Variants in CSMD3 observed in about 807,000 individuals in gnomAD.
The protein encoded by CSMD3 is CUB and Sushi multiple domains 3.
A neutral mutation model predicts 435.2 loss-of-function variants in CSMD3; 177 were observed. The observed-to-expected ratio is 0.41, with a 90% confidence interval of 0.36 to 0.46. The LOEUF (loss-of-function observed/expected upper bound fraction) is 0.46, where lower values mean the gene tolerates loss of function less well. CSMD3 is among the 20% of genes least tolerant of loss of function. The probability of loss-of-function intolerance (pLI) is 0.34; values close to 1 mark genes in which losing one functional copy is unlikely to be tolerated. For synonymous variants in CSMD3, 1,656 were observed against 1,520.5 expected, an observed-to-expected ratio of 1.09 and a Z score of -2.07; for missense variants, 4,265 against 4,504.6, an observed-to-expected ratio of 0.95 and a Z score of 1.52.
At chr8:112,793,100 A>G (rs1379549509) in intron 13 of CSMD3, among the ~76,000 whole-genome samples, 1 of 148,908 alleles carries the variant, frequency 6.7e-6, no homozygotes, top group Non-Finnish European at 1.5e-5. Flanking sequence ...GTGTATATAA[A>G]TATGTAAACA....
chr8:112,286,767 C>T (rs543297138), intron 58 of CSMD3, among the ~76,000 whole-genome samples: 3 of 152,064 alleles, frequency 2.0e-5, no homozygotes, highest in African/African-American at 7.2e-5. Flanking sequence ...GGAGGGACTA[C>T]TGTAAAGAGG....
chr8:112,549,986 C>CA (rs957327797), intron 27 of CSMD3, among the ~76,000 whole-genome samples: 1 of 151,920 alleles, frequency 6.6e-6, no homozygotes, highest in African/African-American at 2.4e-5. Flanking sequence ...AGATAATGTG[C>CA]ATTAACAAGT....
rs564616565 is a variant in CSMD3 at position 113,285,341 on chromosome 8, G to C, written c.402-6637C>G. 2.6e-4 allele frequency among the ~76,000 whole-genome samples: 30 copies of C among 115,588 alleles called. 1 individual carries two copies. In the South Asian group the frequency reaches 3.2e-3, roughly 12 times the overall value. 75.8% of individuals were successfully genotyped at this position (115,588 alleles called of 152,430 possible). A position where few individuals can be genotyped will look rare whatever the true frequency, so the allele number is the denominator to read the frequency against. Reference sequence around the variant, plus strand: ...GTGGCACGATCTCGGCTCACTGCAAGCTCCACCTCCCGGGTTCACCCCATT... The same window carrying C: ...GTGGCACGATCTCGGCTCACTGCAACCTCCACCTCCCGGGTTCACCCCATT... On this transcript the variant is annotated intron_variant, in intron 2 of 70. Transcript: ENST00000297405.
chr8:113,022,156 G>C (rs1264020017), intron 5 of CSMD3, among the ~76,000 whole-genome samples: 18 of 151,964 alleles, frequency 1.2e-4, no homozygotes. Context: ...AGGAAAACCA[G>C]GAAATGAGGG....
chr8:112,961,365 T>C (rs2084223032), intron 7 of CSMD3, among the ~76,000 whole-genome samples: 1 of 151,916 alleles, frequency 6.6e-6, no homozygotes, highest in Non-Finnish European at 1.5e-5. Flanking sequence ...AATGGAAAAT[T>C]TAGTAGAAAT....
intron 22 of CSMD3, among the ~76,000 whole-genome samples, chr8:112,625,647 G>A (rs759008920): frequency 8.5e-5 from 13 of 152,102 alleles, no homozygotes; most frequent in Non-Finnish European, 1.5e-4. Context: ...CTTACACATT[G>A]AGCATACCAA....
At position 112,503,855 on chromosome 8, in the gene CSMD3, G is replaced by A. The variant is rs780271931; in HGVS notation, c.5018C>T (p.Thr1673Ile). The A allele has an allele frequency of 1.2e-6, 2 of 1,612,930 alleles. No individual in the cohort carries two copies. The highest frequency in any genetic ancestry group is 1.7e-5 in the Admixed American group (1 of 59,946). ...LPERIESSSNTMHLAFRSDGS... is the reference protein window; with the variant it reads ...LPERIESSSNIMHLAFRSDGS... ...ATCACTCCGAAAAGCCAAATGCATT[G>A]TATTTGAGCTGCTTTCTATTCTCTC... Residue 1673 changes from threonine to isoleucine, a missense_variant, in exon 30 of 71, where the codon ACA (threonine) becomes ATA (isoleucine). By Grantham distance (89) the Thr-to-Ile change is moderately conservative (BLOSUM62 -1). This residue lies in a region of CSMD3 where 3,255 missense variants were observed against 3,380.2 expected (regional missense o/e 0.96). Transcript: ENST00000297405.
intron 4 of CSMD3, among the ~76,000 whole-genome samples, chr8:113,161,765 A>G (rs921231793): frequency 2.6e-5 from 4 of 152,148 alleles, no homozygotes; most frequent in African/African-American, 9.6e-5. Context: ...GAGTTTCCAA[A>G]TTGTTCAAAA....
intron 6 of CSMD3, among the ~76,000 whole-genome samples, chr8:112,981,358 T>C (rs2085047213): frequency 6.6e-6 from 1 of 151,512 alleles, no homozygotes; most frequent in South Asian, 2.1e-4. Flanking sequence ...AGATTAAGAA[T>C]AAATAAATAG....
intron 22 of CSMD3, among the ~76,000 whole-genome samples, chr8:112,594,297 G>A (rs1289566517): frequency 6.6e-6 from 1 of 152,186 alleles, no homozygotes; most frequent in Non-Finnish European, 1.5e-5. Flanking sequence ...CTCGAATATT[G>A]CGCTTTTCGG....
At chr8:112,516,072 C>T (rs1042785881) in intron 28 of CSMD3, among the ~76,000 whole-genome samples, 1 of 152,032 alleles carries the variant, frequency 6.6e-6, no homozygotes, top group African/African-American at 2.4e-5. Flanking sequence ...AACTAACACT[C>T]TTTTCCTATT....
At chr8:112,552,453 C>T in intron 26 of CSMD3, 141 bp downstream of exon 26, 1 of 775,792 alleles carries the variant, frequency 1.3e-6, no homozygotes, top group Non-Finnish European at 2.0e-6. Context: ...GCCCTGCCTT[C>T]CGGTCTGGAT....
chr8:112,931,043 G>A (rs1199244748), intron 9 of CSMD3, among the ~76,000 whole-genome samples: 1 of 151,950 alleles, frequency 6.6e-6, no homozygotes, highest in Non-Finnish European at 1.5e-5. Context: ...AAAATTTTGA[G>A]TAGAATAAAT....
intron 2 of CSMD3, among the ~76,000 whole-genome samples, chr8:113,294,534 G>A (rs2093706097): frequency 6.6e-6 from 1 of 152,080 alleles, no homozygotes; most frequent in Non-Finnish European, 1.5e-5. Context: ...CTCTCAATTA[G>A]TTTTGCTAAA....
chr8:113,374,098 C>G, intron 1 of CSMD3, among the ~76,000 whole-genome samples: 1 of 151,890 alleles, frequency 6.6e-6, no homozygotes, highest in Admixed American at 6.6e-5. Context: ...GTGCATTTAA[C>G]TCAATATCAT....
chr8:113,307,905 TA>T (rs1391588487), intron 2 of CSMD3, among the ~76,000 whole-genome samples: 1 of 152,190 alleles, frequency 6.6e-6, no homozygotes, highest in Non-Finnish European at 1.5e-5. Context: ...TTAGAAAAGC[TA>T]TTTGGCAGTT....
intron 11 of CSMD3, among the ~76,000 whole-genome samples, chr8:112,840,137 G>C (rs1205557488): frequency 1.3e-5 from 2 of 151,736 alleles, no homozygotes; most frequent in Non-Finnish European, 2.9e-5. Context: ...ACCTGCCACA[G>C]CTATGCAGGA....
At chr8:112,592,367 C>T (rs1395557760) in intron 22 of CSMD3, among the ~76,000 whole-genome samples, 1 of 151,794 alleles carries the variant, frequency 6.6e-6, no homozygotes, top group Non-Finnish European at 1.5e-5. Flanking sequence ...CTGGCTTTCT[C>T]CTTTTAGCCT....
intron 13 of CSMD3, among the ~76,000 whole-genome samples, chr8:112,762,699 AATT>A (rs2077871135): frequency 8.5e-5 from 13 of 152,072 alleles, no homozygotes; most frequent in Middle Eastern, 3.4e-3. Context: ...TGACATAGGA[AATT>A]ACATAATCAA....
Sources: gnomAD v4.1 joint callset for allele counts (sites outside exome capture counted in the v4.1 genomes callset) on GRCh38, gnomAD v4.1.1 for gene constraint, gnomAD v4.1.1 regional missense constraint, MANE v1.5 for transcripts, NCBI Gene and HGNC (gene_info 2026-07-23, HGNC 2026-07-21) for gene names.